Variants in CPA5 observed in about 807,000 individuals in gnomAD.
CPA5 encodes the protein carboxypeptidase A5.
A neutral mutation model predicts 52.2 loss-of-function variants in CPA5; 38 were observed. The observed-to-expected ratio is 0.73, with a 90% CI of 0.56 to 0.95. The LOEUF is 0.95. Among genes scored for constraint, CPA5 ranks in the 40% least tolerant of loss-of-function variants. The pLI is 0.00. For missense variants in CPA5, 519 were observed against 566.7 expected (o/e 0.92, Z 0.86); for synonymous variants, 198 against 213.7 (o/e 0.93, Z 0.64).
intron 4 of CPA5, among the ~76,000 whole-genome samples, chr7:130,348,051 G>C (rs896522880): frequency 1.3e-4 from 20 of 152,186 alleles, no homozygotes; most frequent in Non-Finnish European, 2.5e-4. Context: ...TTTTTAGTCT[G>C]TGTCTCTTCT....
At chr7:130,359,439 C>A (rs1376380200) in intron 5 of CPA5, 150 bp from the exon 6 acceptor site, 1 of 569,358 alleles carries the variant, frequency 1.8e-6, no homozygotes, top group Non-Finnish European at 3.1e-6. Context: ...CAACCTGGAC[C>A]TTCCTTCTGT....
chr7:130,359,119 C>T (rs1271987641), intron 5 of CPA5, among the ~76,000 whole-genome samples: 1 of 152,188 alleles, frequency 6.6e-6, no homozygotes, highest in African/African-American at 2.4e-5. Flanking sequence ...GGTCAGTGCA[C>T]ATGGTTCACC....
chr7:130,354,591 T>A (rs1325851713), intron 5 of CPA5, among the ~76,000 whole-genome samples: 4 of 151,784 alleles, frequency 2.6e-5, no homozygotes, highest in African/African-American at 4.8e-5. Context: ...ATTTTTTTTT[T>A]AAAGTAGAGA....
At chr7:130,361,381 T>C (rs1264612743) in intron 7 of CPA5, 137 bp downstream of exon 7, 44 of 641,486 alleles carry the variant, frequency 6.9e-5, no homozygotes, top group Non-Finnish European at 2.8e-6. Flanking sequence ...AGGTGACCCA[T>C]AAACTTTGGG....
chr7:130,361,648 C>A (rs531848101), intron 7 of CPA5, among the ~76,000 whole-genome samples: 1 of 152,312 alleles, frequency 6.6e-6, no homozygotes, highest in East Asian at 1.9e-4. Flanking sequence ...GACAGCCCTA[C>A]AGACATGCCT....
chr7:130,362,336 C>T (rs2117420224), intron 7 of CPA5, 102 bp from the exon 8 acceptor site: 2 of 739,966 alleles, frequency 2.7e-6, no homozygotes, highest in Non-Finnish European at 4.6e-6. Context: ...CTTAAAGCTG[C>T]CCCAGGCACT....
At chr7:130,363,062 C>A in intron 9 of CPA5, 68 bp downstream of exon 9, 1 of 961,390 alleles carries the variant, frequency 1.0e-6, no homozygotes, top group South Asian at 1.4e-5. Flanking sequence ...GGTCACTGTG[C>A]TTTGGGAACC....
downstream of CPA5, among the ~76,000 whole-genome samples, chr7:130,370,310 T>C (rs782069139): frequency 1.3e-5 from 2 of 150,438 alleles, no homozygotes; most frequent in Non-Finnish European, 2.9e-5. Context: ...ATCTTGACTT[T>C]GGCTGAAGTT....
At chr7:130,369,921 A>G (rs1156272356), downstream of CPA5, among the ~76,000 whole-genome samples, 1 of 152,242 alleles carries the variant, frequency 6.6e-6, no homozygotes, top group Non-Finnish European at 1.5e-5. Flanking sequence ...TTGGTAGAAG[A>G]AGGGGATGGG....
At chr7:130,345,609 T>C (rs879947386) in intron 1 of CPA5, 6 of 152,242 alleles carry the variant, frequency 3.9e-5, no homozygotes, top group Admixed American at 2.6e-4. Context: ...GTGACCTTCA[T>C]GTCTAGCAGA....
rs899474752 is a variant in CPA5 at position 130,367,956 on chromosome 7, C to T, written c.1089C>T (p.Ile363=). 7.4e-6 allele frequency: 12 copies of T among 1,614,080 alleles called. No homozygotes were observed. Among genetic ancestry groups the T allele is most frequent in the Admixed American group, 3.3e-5 (2 of 60,010 alleles). The stretch of plus-strand genomic sequence containing the variant: ...AGGCCTTGTATAAGGTCCATGGGAT[C>T]GAGTACATTTTTGGCAGCATCAGCA... ...AVEALYKVHG[I]EYIFGSISTT... is the part of the protein sequence containing the mutation. The change falls in exon 12 of 13, where the codon ATC becomes ATT. Residue 363 remains isoleucine (I), a synonymous_variant. Coordinates refer to ENST00000474905, the MANE Select transcript of CPA5 (RefSeq NM_080385.5).
At chr7:130,361,015 C>T (rs1001891949) in intron 6 of CPA5, 128 bp from the exon 7 acceptor site, 3 of 632,722 alleles carry the variant, frequency 4.7e-6, no homozygotes, top group Non-Finnish European at 8.5e-6. Flanking sequence ...TTCTTTTAGA[C>T]CCTCGAGGGT....
chr7:130,353,844 T>C (rs2117350831), intron 5 of CPA5, among the ~76,000 whole-genome samples: 1 of 152,316 alleles, frequency 6.6e-6, no homozygotes, highest in Non-Finnish European at 1.5e-5. Flanking sequence ...AATTCAAGCA[T>C]GTTGTTCCTC....
intron 4 of CPA5, 112 bp from the exon 5 acceptor site, chr7:130,349,863 A>G: frequency 7.8e-7 from 1 of 1,282,998 alleles, no homozygotes; most frequent in Non-Finnish European, 1.1e-6. Flanking sequence ...TCTCCTGCGT[A>G]GAAAGAGGGT....
intron 4 of CPA5, 142 bp downstream of exon 4, chr7:130,347,989 T>A: frequency 1.6e-6 from 1 of 635,668 alleles, no homozygotes; most frequent in Non-Finnish European, 2.7e-6. Context: ...AAATCACACG[T>A]GGCTCCACTT....
chr7:130,363,689 C>T lies in CPA5; in HGVS notation c.838+180C>T, dbSNP rs79920184. Among the ~76,000 whole-genome samples, 657 of 152,226 alleles carry T rather than the reference C, an allele frequency of 4.3e-3. 9 individuals are homozygous for T. The highest frequency in any genetic ancestry group is 0.014 in the African/African-American group (601 of 41,546). On this transcript the variant is annotated intron_variant, in intron 10 of 12. Transcript: ENST00000474905. ...ACATACCTCAGACTGGCTGTGGGTA[C>T]GGGAGAGGTTGTGTGTGTGTGTGTT...
chr7:130,362,433 C>A lies in CPA5; in HGVS notation c.535-5C>A. On this transcript the variant is annotated splice_region_variant and splice_polypyrimidine_tract_variant and intron_variant, in intron 7 of 12. Transcript: ENST00000474905. ...CTCGGTTTGGGGCCCGATTCTTTTT[C>A]TCAGTTCAGCACTGGAGGTTCTCGG... The A allele has an allele frequency of 1.2e-6, 2 of 1,607,438 alleles. No individual in the cohort carries two copies. Among genetic ancestry groups the A allele is most frequent in the South Asian group, 2.2e-5 (2 of 90,830 alleles).
Position 130,368,422 on chromosome 7 carries a change from G to A in CPA5, c.1136G>A (p.Gly379Glu). The A allele has an allele frequency of 6.2e-7, 1 of 1,613,852 alleles. No homozygotes were observed. The highest frequency in any genetic ancestry group is 8.5e-7 in the Non-Finnish European group (1 of 1,179,922). Residue 379 changes from glycine to glutamate, a missense_variant, in exon 13 of 13, where the codon GGG (glycine) becomes GAG (glutamate). Coordinates refer to ENST00000474905, the MANE Select transcript of CPA5 (RefSeq NM_080385.5). The stretch of plus-strand genomic sequence containing the variant: ...CTTTTGTTTCTAGATGTGGCCAGTG[G>A]GATCACCGTCGACTGGGCCTATGAC... ...SISTTLYVAS[G>E]ITVDWAYDSG...
chr7:130,362,602 T>C (rs1272664956), intron 8 of CPA5, 63 bp downstream of exon 8: 9 of 1,244,622 alleles, frequency 7.2e-6, no homozygotes, highest in Non-Finnish European at 1.1e-5. Flanking sequence ...GGCAGGAACT[T>C]ACTATTTAAG....
Sources: gnomAD v4.1 joint callset for allele counts (sites outside exome capture counted in the v4.1 genomes callset) on GRCh38, gnomAD v4.1.1 for gene constraint, MANE v1.5 for transcripts, NCBI Gene and HGNC (gene_info 2026-07-23, HGNC 2026-07-21) for gene names.